The following OTUD7A variants were observed in gnomAD, a reference collection of about 807,000 sequenced individuals.
OTUD7A encodes OTU deubiquitinase 7A.
OTUD7A carries 12 observed loss-of-function variants against 65.7 expected under a neutral mutation model. The observed-to-expected ratio is 0.18, with a 90% CI of 0.12 to 0.30. The LOEUF (loss-of-function observed/expected upper bound fraction) is 0.30. Among genes scored for constraint, OTUD7A ranks in the 10% least tolerant of loss-of-function variants. OTUD7A has a pLI of 1.00. For missense variants in OTUD7A, 1,148 were observed against 1,304.8 expected (o/e 0.88, Z 1.85); for synonymous variants, 641 against 586.3 (o/e 1.09, Z -1.35).
intron 3 of OTUD7A, 81 bp from the exon 4 acceptor site, chr15:31,570,278 G>A (rs1280053929): frequency 2.7e-6 from 4 of 1,479,854 alleles, no homozygotes; most frequent in Non-Finnish European, 3.7e-6. Flanking sequence ...GTGACAAGAA[G>A]GGTTTCCCAT....
chr15:31,599,863 G>T (rs766649347), intron 3 of OTUD7A, among the ~76,000 whole-genome samples: 3 of 152,046 alleles, frequency 2.0e-5, no homozygotes, highest in Non-Finnish European at 4.4e-5. Flanking sequence ...ATCAATAGCC[G>T]AGTCGATCAA....
At chr15:31,775,843 A>C (rs887111545) in intron 1 of OTUD7A, among the ~76,000 whole-genome samples, 1 of 152,210 alleles carries the variant, frequency 6.6e-6, no homozygotes, top group Admixed American at 6.5e-5. Flanking sequence ...GGGCTGGAAA[A>C]GCCAAGCCAC....
chr15:31,831,822 T>C (rs1487751649), intron 1 of OTUD7A, among the ~76,000 whole-genome samples: 1 of 152,222 alleles, frequency 6.6e-6, no homozygotes, highest in Non-Finnish European at 1.5e-5. Flanking sequence ...AGCAGGACAC[T>C]GATAAAGCAG....
At chr15:31,847,825 G>T (rs1449480765) in intron 1 of OTUD7A, among the ~76,000 whole-genome samples, 1 of 152,186 alleles carries the variant, frequency 6.6e-6, no homozygotes, top group Non-Finnish European at 1.5e-5. Context: ...CAATCATGCT[G>T]AAAGACCAAG....
chr15:31,625,787 A>G (rs555949064), intron 3 of OTUD7A, among the ~76,000 whole-genome samples: 1 of 152,300 alleles, frequency 6.6e-6, no homozygotes, highest in Non-Finnish European at 1.5e-5. Flanking sequence ...TGGATAAAAA[A>G]ACAAACTGTG....
At chr15:31,581,405 T>C (rs778939658) in intron 3 of OTUD7A, among the ~76,000 whole-genome samples, 1 of 152,354 alleles carries the variant, frequency 6.6e-6, no homozygotes, top group South Asian at 2.1e-4. Flanking sequence ...AGTGCCCCAG[T>C]AGGGACTCTG....
chr15:31,790,039 A>G (rs1196457641), intron 1 of OTUD7A, among the ~76,000 whole-genome samples: 1 of 152,204 alleles, frequency 6.6e-6, no homozygotes, highest in African/African-American at 2.4e-5. Flanking sequence ...GAGAGGGAAG[A>G]GGATACAATT....
intron 1 of OTUD7A, among the ~76,000 whole-genome samples, chr15:31,659,458 C>G (rs1347098714): frequency 3.9e-5 from 6 of 152,214 alleles, no homozygotes; most frequent in Non-Finnish European, 8.8e-5. Context: ...CCTGCCACTG[C>G]TGCAGAATCT....
intron 1 of OTUD7A, among the ~76,000 whole-genome samples, chr15:31,806,752 A>G (rs1368474122): frequency 6.6e-6 from 1 of 152,282 alleles, no homozygotes; most frequent in Non-Finnish European, 1.5e-5. Context: ...TGTTATCAAC[A>G]AAAGTGACCA....
chr15:31,817,645 C>T (rs866074500), intron 1 of OTUD7A, among the ~76,000 whole-genome samples: 3 of 152,130 alleles, frequency 2.0e-5, no homozygotes, highest in Middle Eastern at 3.2e-3. Context: ...CCTAAGCTTC[C>T]TGGGTTTTTG....
At chr15:31,838,158 A>C (rs780959138) in intron 1 of OTUD7A, among the ~76,000 whole-genome samples, 3 of 152,252 alleles carry the variant, frequency 2.0e-5, no homozygotes, top group Non-Finnish European at 4.4e-5. Flanking sequence ...ATGCAAAACT[A>C]CAAAAGTTTA....
intron 1 of OTUD7A, among the ~76,000 whole-genome samples, chr15:31,817,282 C>A (rs1441038580): frequency 6.7e-6 from 1 of 149,790 alleles, no homozygotes; most frequent in African/African-American, 2.5e-5. Flanking sequence ...TTTGCCCCCC[C>A]CCATCACTCA....
Position 31,627,649 on chromosome 15 carries a change from C to A in OTUD7A, c.151+27447G>T, listed in dbSNP as rs376820822. 2.1e-4 allele frequency among the ~76,000 whole-genome samples: 32 copies of A among 152,240 alleles called. 1 individual carries two copies. Among genetic ancestry groups the A allele is most frequent in the Admixed American group, 1.2e-3 (19 of 15,298 alleles). On this transcript the variant is annotated intron_variant, in intron 3 of 12. Transcript: ENST00000307050. ...TCAAATGATATTTCTAGTTCTAGAT[C>A]CCTGAGGAATCGCCACACTGACTTC...
intron 5 of OTUD7A, among the ~76,000 whole-genome samples, chr15:31,552,277 A>G (rs554260627): frequency 2.6e-5 from 4 of 152,188 alleles, no homozygotes; most frequent in Non-Finnish European, 4.4e-5. Context: ...TCTTTTCTTT[A>G]TAAATTACCT....
At chr15:31,766,778 G>C in intron 1 of OTUD7A, 8 of 1,612,834 alleles carry the variant, frequency 5.0e-6, no homozygotes, top group Non-Finnish European at 6.8e-6. Flanking sequence ...TCTGAATGAA[G>C]ATTCAACAGG....
At chr15:31,596,687 T>A (rs1889913601) in intron 3 of OTUD7A, among the ~76,000 whole-genome samples, 1 of 152,200 alleles carries the variant, frequency 6.6e-6, no homozygotes. Context: ...GGGTGTGCAG[T>A]GATATCTCAT....
intron 1 of OTUD7A, among the ~76,000 whole-genome samples, chr15:31,727,839 C>A (rs1348300206): frequency 6.6e-6 from 1 of 152,146 alleles, no homozygotes; most frequent in East Asian, 1.9e-4. Context: ...TTCTCAGCCG[C>A]CCCTTCTGAC....
intron 1 of OTUD7A, among the ~76,000 whole-genome samples, chr15:31,852,172 C>T (rs529417493): frequency 1.4e-4 from 22 of 152,292 alleles, no homozygotes; most frequent in East Asian, 3.9e-4. Context: ...TGCCTTTTAA[C>T]GCAAGGTAGA....
At chr15:31,841,656 A>G (rs904108846) in intron 1 of OTUD7A, among the ~76,000 whole-genome samples, 1 of 152,194 alleles carries the variant, frequency 6.6e-6, no homozygotes, top group Non-Finnish European at 1.5e-5. Context: ...TGTCAAGACC[A>G]GTACTCCTCT....
Sources: gnomAD v4.1 joint callset for allele counts (sites outside exome capture counted in the v4.1 genomes callset) on GRCh38, gnomAD v4.1.1 for gene constraint, MANE v1.5 for transcripts, NCBI Gene and HGNC (gene_info 2026-07-23, HGNC 2026-07-21) for gene names.